The following GPC6 variants were observed in gnomAD, a reference collection of about 807,000 sequenced individuals.
The protein encoded by GPC6 is glypican-6.
A neutral mutation model predicts 55.2 loss-of-function variants in GPC6; 14 were observed. That is an observed-to-expected ratio of 0.25 (90% CI 0.17 to 0.40). The LOEUF (loss-of-function observed/expected upper bound fraction) is 0.40, where lower values mean the gene tolerates loss of function less well. Ranked by LOEUF, GPC6 falls within the 10% of genes least tolerant of loss-of-function variation. GPC6 has a pLI of 1.00. For synonymous variants in GPC6, 278 were observed against 259.6 expected (o/e 1.07, Z -0.68); for missense variants, 641 against 708.5 (o/e 0.90, Z 1.08).
At chr13:94,362,529 G>A (rs1321938165) in intron 6 of GPC6, among the ~76,000 whole-genome samples, 1 of 151,986 alleles carries the variant, frequency 6.6e-6, no homozygotes, top group South Asian at 2.1e-4. Context: ...TTATTCTCGG[G>A]GATAAGACTG....
chr13:93,303,747 A>C (rs1406969604), intron 1 of GPC6, among the ~76,000 whole-genome samples: 4 of 152,160 alleles, frequency 2.6e-5, no homozygotes, highest in South Asian at 2.1e-4. Flanking sequence ...TCATTTTCTC[A>C]TCCTAGGGTT....
intron 2 of GPC6, among the ~76,000 whole-genome samples, chr13:93,788,974 G>A (rs1218039069): frequency 6.6e-6 from 1 of 152,110 alleles, no homozygotes; most frequent in Non-Finnish European, 1.5e-5. Context: ...CAGGAGAGTA[G>A]CAGGCAAGAT....
chr13:93,784,862 G>T (rs1457171262), intron 2 of GPC6, among the ~76,000 whole-genome samples: 1 of 152,122 alleles, frequency 6.6e-6, no homozygotes, highest in African/African-American at 2.4e-5. Context: ...GTGTCTAAAT[G>T]CTATGGGGTT....
At chr13:93,928,805 C>T (rs1200314116) in intron 3 of GPC6, among the ~76,000 whole-genome samples, 1 of 151,226 alleles carries the variant, frequency 6.6e-6, no homozygotes, top group Non-Finnish European at 1.5e-5. Context: ...AAAGAGGGTT[C>T]TCTTCATTCA....
intron 3 of GPC6, among the ~76,000 whole-genome samples, chr13:93,882,384 C>T (rs1437579694): frequency 6.6e-6 from 1 of 151,854 alleles, no homozygotes; most frequent in Non-Finnish European, 1.5e-5. Context: ...TGGGCTCAAA[C>T]GACCCACCCC....
At chr13:93,388,136 A>G (rs1169191291) in intron 1 of GPC6, among the ~76,000 whole-genome samples, 1 of 152,162 alleles carries the variant, frequency 6.6e-6, no homozygotes, top group African/African-American at 2.4e-5. Context: ...ACTTGTGCCA[A>G]TACATACAGG....
At chr13:93,286,328 G>A (rs1434415134) in intron 1 of GPC6, among the ~76,000 whole-genome samples, 1 of 152,236 alleles carries the variant, frequency 6.6e-6, no homozygotes, top group African/African-American at 2.4e-5. Flanking sequence ...CCCATGACAT[G>A]TGAGGATTAT....
chr13:93,453,899 C>T (rs1432718532), intron 1 of GPC6, among the ~76,000 whole-genome samples: 6 of 152,260 alleles, frequency 3.9e-5, no homozygotes, highest in Middle Eastern at 3.4e-3. Flanking sequence ...GAGCGGGCTG[C>T]CACTGCTGGC....
Position 93,784,632 on chromosome 13 carries a change from C to T in GPC6, c.320-45522C>T, listed in dbSNP as rs185703721. ...TTTTAGAATCCCATCGCTGAAACCT[C>T]TTGTCTACTTCCAACTGTTGGGTGT... On this transcript the variant is annotated intron_variant, in intron 2 of 8. Transcript: ENST00000377047. Among the ~76,000 whole-genome samples the T allele has an allele frequency of 4.9e-3, 741 of 152,286 alleles. 2 individuals are homozygous for T. Among genetic ancestry groups the T allele is most frequent in the Non-Finnish European group, 8.2e-3 (556 of 68,024 alleles).
chr13:93,428,905 A>C lies in GPC6; in HGVS notation c.161-116358A>C, dbSNP rs549325898. On this transcript the variant is annotated intron_variant, in intron 1 of 8. Coordinates refer to ENST00000377047, the MANE Select transcript of GPC6 (RefSeq NM_005708.5). ...ACACATTTAATCTCAAGTCATTTTCAGATAGGAAAACTGAGGCCCAAGAAA... is the reference window on the plus strand; with the variant it reads ...ACACATTTAATCTCAAGTCATTTTCCGATAGGAAAACTGAGGCCCAAGAAA... 5.3e-5 allele frequency among the ~76,000 whole-genome samples: 8 copies of C among 152,266 alleles called. 2 individuals carry two copies. The highest frequency in any genetic ancestry group is 1.9e-4 in the African/African-American group (8 of 41,582).
intron 1 of GPC6, among the ~76,000 whole-genome samples, chr13:93,262,709 T>TC (rs1421434945): frequency 6.6e-6 from 1 of 152,118 alleles, no homozygotes; most frequent in African/African-American, 2.4e-5. Context: ...TGCCTCAGTT[T>TC]CCCCCCACAC....
At chr13:93,304,967 C>T (rs938999858) in intron 1 of GPC6, among the ~76,000 whole-genome samples, 23 of 152,174 alleles carry the variant, frequency 1.5e-4, no homozygotes, top group African/African-American at 5.3e-4. Flanking sequence ...TTATTCTATC[C>T]TCCAGCCTTC....
intron 2 of GPC6, among the ~76,000 whole-genome samples, chr13:93,752,736 A>ACT (rs1884641041): frequency 6.6e-6 from 1 of 152,008 alleles, no homozygotes; most frequent in Non-Finnish European, 1.5e-5. Context: ...TAAAGGCCTG[A>ACT]CTCATGCCAC....
intron 2 of GPC6, among the ~76,000 whole-genome samples, chr13:93,649,444 G>A (rs921555952): frequency 2.0e-5 from 3 of 152,052 alleles, no homozygotes; most frequent in African/African-American, 7.2e-5. Context: ...AGTGAGACCC[G>A]ATCTCAGCTC....
chr13:93,523,283 G>A (rs12017821), intron 1 of GPC6, among the ~76,000 whole-genome samples: 3 of 149,098 alleles, frequency 2.0e-5, no homozygotes, highest in African/African-American at 7.5e-5. Flanking sequence ...ATTTATATAT[G>A]TGTGTGTAAA....
chr13:93,670,237 G>A (rs113250561), intron 2 of GPC6, among the ~76,000 whole-genome samples: 7 of 152,112 alleles, frequency 4.6e-5, no homozygotes, highest in African/African-American at 9.7e-5. Flanking sequence ...GGTTTCCACC[G>A]TCAATATTGA....
intron 3 of GPC6, among the ~76,000 whole-genome samples, chr13:93,887,536 C>T (rs968105893): frequency 6.6e-6 from 1 of 152,050 alleles, no homozygotes; most frequent in African/African-American, 2.4e-5. Flanking sequence ...GAACGTCTCA[C>T]TAATACTAAT....
intron 7 of GPC6, among the ~76,000 whole-genome samples, chr13:94,383,067 A>G (rs912149292): frequency 3.3e-5 from 5 of 152,204 alleles, no homozygotes; most frequent in African/African-American, 1.2e-4. Context: ...GGGAAGTCCC[A>G]TCGGAACCTC....
At chr13:94,292,395 G>C (rs1476676491) in intron 5 of GPC6, among the ~76,000 whole-genome samples, 1 of 152,052 alleles carries the variant, frequency 6.6e-6, no homozygotes, top group Non-Finnish European at 1.5e-5. Flanking sequence ...GCAATGAGAA[G>C]GTAAGGAAAA....
Sources: gnomAD v4.1 joint callset for allele counts (sites outside exome capture counted in the v4.1 genomes callset) on GRCh38, gnomAD v4.1.1 for gene constraint, MANE v1.5 for transcripts, NCBI Gene and HGNC (gene_info 2026-07-23, HGNC 2026-07-21) for gene names.